PKP4: variants seen among roughly 807,000 people sequenced by gnomAD.
PKP4 encodes the protein plakophilin-4.
A neutral mutation model predicts 145.1 loss-of-function variants in PKP4; 90 were observed. The ratio of observed to expected loss-of-function variants is 0.62; its 90% confidence interval spans 0.52 to 0.74. The LOEUF (loss-of-function observed/expected upper bound fraction) is 0.74, where lower values mean the gene tolerates loss of function less well. Ranked by LOEUF, PKP4 falls within the 30% of genes least tolerant of loss-of-function variation. PKP4 has a pLI of 0.00. For missense variants in PKP4, 1,340 were observed against 1,482.7 expected (o/e 0.90, Z 1.58); for synonymous variants, 563 against 577.2 (o/e 0.98, Z 0.35).
intron 4 of PKP4, among the ~76,000 whole-genome samples, chr2:158,603,969 G>A (rs976835433): frequency 6.6e-6 from 1 of 152,142 alleles, no homozygotes; most frequent in Non-Finnish European, 1.5e-5. Flanking sequence ...AAGGCACTTG[G>A]CTGTCATACA....
chr2:158,483,975 G>T (rs1000442973), intron 1 of PKP4, among the ~76,000 whole-genome samples: 27 of 150,514 alleles, frequency 1.8e-4, no homozygotes, highest in African/African-American at 6.6e-4. Flanking sequence ...TTGTGTGTGT[G>T]TATACATTAA....
At chr2:158,634,385 C>A in intron 9 of PKP4, 96 bp downstream of exon 9, 1 of 804,378 alleles carries the variant, frequency 1.2e-6, no homozygotes. Context: ...GTCTATTATA[C>A]TATCATTATA....
intron 2 of PKP4, among the ~76,000 whole-genome samples, chr2:158,534,787 T>C (rs2043890556): frequency 6.6e-6 from 1 of 152,202 alleles, no homozygotes; most frequent in African/African-American, 2.4e-5. Context: ...CTAGAATTCC[T>C]TGATGGCCTC....
At chr2:158,678,156 C>T (rs760002000) in intron 20 of PKP4, among the ~76,000 whole-genome samples, 36 of 152,220 alleles carry the variant, frequency 2.4e-4, no homozygotes, top group East Asian at 1.5e-3. Context: ...GGGGCTTGTT[C>T]GAATATTGTG....
intron 20 of PKP4, 103 bp downstream of exon 20, chr2:158,676,970 C>G (rs1196116876): frequency 7.5e-7 from 1 of 1,325,356 alleles, no homozygotes; most frequent in East Asian, 2.3e-5. Flanking sequence ...TTGAGACAGT[C>G]CCCCAGCAGC....
chr2:158,564,369 G>A (rs186038690), intron 2 of PKP4, among the ~76,000 whole-genome samples: 1 of 152,204 alleles, frequency 6.6e-6, no homozygotes, highest in East Asian at 1.9e-4. Context: ...TTTGAATAAG[G>A]ATATAGTATG....
intron 1 of PKP4, among the ~76,000 whole-genome samples, chr2:158,519,380 G>T (rs542381723): frequency 2.1e-4 from 32 of 151,880 alleles, no homozygotes; most frequent in Non-Finnish European, 4.3e-4. Flanking sequence ...GGGGAATTTG[G>T]TCCCCCCTGG....
chr2:158,494,875 C>G (rs1039954389), intron 1 of PKP4, among the ~76,000 whole-genome samples: 1 of 142,494 alleles, frequency 7.0e-6, no homozygotes, highest in Non-Finnish European at 1.5e-5. Context: ...GATCATTGCT[C>G]TATTTTTTTT....
chr2:158,595,785 A>T (rs1222712338), intron 3 of PKP4, among the ~76,000 whole-genome samples: 1 of 152,178 alleles, frequency 6.6e-6, no homozygotes, highest in Non-Finnish European at 1.5e-5. Flanking sequence ...TTAAGTAGAG[A>T]CAAACTTAAG....
intron 3 of PKP4, among the ~76,000 whole-genome samples, chr2:158,583,550 G>A (rs1229653582): frequency 6.6e-6 from 1 of 152,068 alleles, no homozygotes; most frequent in Non-Finnish European, 1.5e-5. Flanking sequence ...TTCACTTACC[G>A]TAAAATTCAA....
chr2:158,494,616 G>A (rs915973788), intron 1 of PKP4, among the ~76,000 whole-genome samples: 1 of 152,136 alleles, frequency 6.6e-6, no homozygotes, highest in African/African-American at 2.4e-5. Context: ...TTCTAGACCA[G>A]TTGCAAAGAC....
intron 1 of PKP4, among the ~76,000 whole-genome samples, chr2:158,527,288 A>G (rs1487559044): frequency 1.2e-4 from 17 of 146,130 alleles, no homozygotes; most frequent in Non-Finnish European, 2.3e-4. Context: ...CAAAACAGAG[A>G]TATAGATCAA....
At chr2:158,585,371 G>C (rs970979006) in intron 3 of PKP4, among the ~76,000 whole-genome samples, 7 of 152,068 alleles carry the variant, frequency 4.6e-5, no homozygotes, top group Non-Finnish European at 8.8e-5. Context: ...AAAAGAACTG[G>C]TTTATTTTAA....
Position 158,610,099 on chromosome 2 carries a change from T to C in PKP4, c.280+6995T>C, listed in dbSNP as rs201216653. The stretch of plus-strand genomic sequence containing the variant: ...TATTCTGTACCCTCTAGCTTACCAG[T>C]GTTACATATTTGCATTCTAAAAATA... On this transcript the variant is annotated intron_variant, in intron 4 of 21. Coordinates refer to ENST00000389759, the MANE Select transcript of PKP4 (RefSeq NM_003628.6). 5.3e-5 allele frequency among the ~76,000 whole-genome samples: 8 copies of C among 152,326 alleles called. No individual in the cohort carries two copies. The South Asian group carries it at 8.3e-4, about 16-fold the overall frequency.
intron 2 of PKP4, among the ~76,000 whole-genome samples, chr2:158,563,227 A>C (rs3771608): frequency 0.46 from 70,559 of 151,954 alleles, 17,350 homozygotes; most frequent in South Asian, 0.67. Context: ...GTTTTACGTA[A>C]GCAAACAACT....
rs1368350476 is a variant in PKP4, at chr2:158,625,379, T to G, written c.1105T>G (p.Tyr369Asp). 3 of 1,614,100 alleles carry G rather than the reference T, an allele frequency of 1.9e-6. No homozygotes were observed. Among genetic ancestry groups the G allele is most frequent in the Non-Finnish European group, 1.7e-6 (2 of 1,179,992 alleles). The change falls in exon 7 of 22, where the codon TAT (tyrosine) becomes GAT (aspartate). Residue 369 changes from tyrosine (Y) to aspartate (D), a missense_variant. Physicochemically the swap from Tyr to Asp is radical, Grantham distance 160. Transcript: ENST00000389759. ...CATGGAGCAATTCGGACAGCAGCAG[T>G]ATGACATTTATGAGAGGATGGTTCC... ...HDMEQFGQQQ[Y>D]DIYERMVPPR... is the part of the protein sequence containing the mutation.
At chr2:158,591,512 A>T (rs970864873) in intron 3 of PKP4, among the ~76,000 whole-genome samples, 13 of 152,110 alleles carry the variant, frequency 8.5e-5, no homozygotes, top group African/African-American at 2.9e-4. Flanking sequence ...GAAGCTGGGT[A>T]ATAAATACAA....
chr2:158,518,016 T>C (rs1275190490), intron 1 of PKP4, among the ~76,000 whole-genome samples: 1 of 152,210 alleles, frequency 6.6e-6, no homozygotes, highest in East Asian at 1.9e-4. Flanking sequence ...TCTATCTTGA[T>C]GGTTATTTCA....
intron 11 of PKP4, among the ~76,000 whole-genome samples, chr2:158,650,878 A>T (rs2055299855): frequency 6.6e-6 from 1 of 152,224 alleles, no homozygotes; most frequent in Non-Finnish European, 1.5e-5. Context: ...CAGGGAGTGC[A>T]GCAACTGGCC....
Sources: allele counts gnomAD v4.1 joint callset (sites outside exome capture counted in the v4.1 genomes callset), GRCh38; gene constraint gnomAD v4.1.1; transcripts MANE v1.5; gene names NCBI Gene and HGNC (gene_info 2026-07-23, HGNC 2026-07-21).